The following RNFT2 variants were observed in gnomAD, a reference collection of about 807,000 sequenced individuals.
The protein encoded by RNFT2 is ring finger protein, transmembrane 2.
Under a neutral mutation model 53.0 loss-of-function variants are expected in RNFT2, and 36 were observed. The ratio of observed to expected loss-of-function variants is 0.68; its 90% CI spans 0.52 to 0.90. The LOEUF (loss-of-function observed/expected upper bound fraction) is 0.90. Ranked by LOEUF, RNFT2 falls within the 40% of genes least tolerant of loss-of-function variation. The pLI is 0.00. For synonymous variants in RNFT2, 260 were observed against 253.2 expected (o/e 1.03, Z -0.26); for missense variants, 514 against 585.6 (o/e 0.88, Z 1.26).
chr12:116,800,838 TAA>T (rs1205520986), intron 7 of RNFT2, among the ~76,000 whole-genome samples: 1 of 148,120 alleles, frequency 6.8e-6, no homozygotes, highest in Non-Finnish European at 1.5e-5. Flanking sequence ...TAAAATAAAA[TAA>T]AATAAAATAA....
intron 6 of RNFT2, among the ~76,000 whole-genome samples, chr12:116,767,930 G>A (rs145415821): frequency 0.02 from 2,986 of 152,178 alleles, 49 homozygotes; most frequent in Middle Eastern, 0.037. Context: ...TACATATACA[G>A]CTCATGTCAG....
chr12:116,765,641 A>G (rs1371047631), intron 5 of RNFT2, among the ~76,000 whole-genome samples: 1 of 152,130 alleles, frequency 6.6e-6, no homozygotes, highest in African/African-American at 2.4e-5. Context: ...TCCTTCAGAC[A>G]TTTCCTAGGA....
rs148668942 is a variant in RNFT2, at chr12:116,803,229, G to A, written c.882+23881G>A. Among the ~76,000 whole-genome samples the A allele has an allele frequency of 6.3e-3, 961 of 152,316 alleles. 16 individuals carry two copies. The highest frequency in any genetic ancestry group is 0.022 in the African/African-American group (901 of 41,552). On this transcript the variant is annotated intron_variant, in intron 7 of 10. Coordinates refer to ENST00000257575, the MANE Select transcript of RNFT2 (RefSeq NM_001382266.1). ...TGGTCTTGTTATGCCAGCAGTGGAG[G>A]TTATAAAGTCCTCTGGGTGCAACCG...
At chr12:116,785,993 A>C (rs775694641) in intron 7 of RNFT2, among the ~76,000 whole-genome samples, 2 of 151,996 alleles carry the variant, frequency 1.3e-5, no homozygotes, top group Admixed American at 1.3e-4. Context: ...CAGAGGTTGC[A>C]GTGAGCTGAG....
intron 7 of RNFT2, 125 bp downstream of exon 7, chr12:116,779,473 G>C: frequency 9.7e-7 from 1 of 1,033,456 alleles, no homozygotes; most frequent in Non-Finnish European, 1.4e-6. Flanking sequence ...AATAAACAGA[G>C]CCTGAGCTCA....
chr12:116,812,738 T>C (rs1875451224), intron 7 of RNFT2, among the ~76,000 whole-genome samples: 1 of 152,154 alleles, frequency 6.6e-6, no homozygotes, highest in Non-Finnish European at 1.5e-5. Flanking sequence ...TTTACCATGT[T>C]GGCCAGGCTG....
intron 7 of RNFT2, among the ~76,000 whole-genome samples, chr12:116,821,962 G>A (rs1211928706): frequency 6.6e-6 from 1 of 151,856 alleles, no homozygotes; most frequent in African/African-American, 2.4e-5. Context: ...AGCCTCCAGA[G>A]TAGCTGAGAT....
chr12:116,841,743 G>A lies in RNFT2; in HGVS notation c.1200+5461G>A, dbSNP rs1414947803. Among the ~76,000 whole-genome samples, 5 of 131,540 alleles carry A rather than the reference G, an allele frequency of 3.8e-5. No homozygotes were observed. The East Asian group carries it at 1.1e-3, about 28-fold the overall frequency. The allele number at this position is 131,540 out of a possible 152,430, so 86.3% of individuals were successfully genotyped here. On this transcript the variant is annotated intron_variant, in intron 10 of 10. Transcript: ENST00000257575. ...AGCCTGGGTGACAGAGCAAGATTCT[G>A]TCTCAAAAAATATATAAATATAAAT...
Position 116,766,830 on chromosome 12 carries a change from T to A in RNFT2, c.644T>A (p.Leu215Gln), listed in dbSNP as rs1195800512. The A allele has an allele frequency of 1.3e-6, 2 of 1,595,960 alleles. No individual in the cohort carries two copies. Among genetic ancestry groups the A allele is most frequent in the Non-Finnish European group, 1.7e-6 (2 of 1,170,738 alleles). ...QVSLKEKRSVLVILWILAFLA... is the reference protein window; with the variant it reads ...QVSLKEKRSVQVILWILAFLA... ...TGTCTTCAGGAGAAGAGGTCAGTGC[T>A]GGTCATCTTGTGGATCCTGGCCTTT... The change falls in exon 6 of 11, where the codon CTG becomes CAG. Residue 215 changes from leucine (L) to glutamine (Q), a missense_variant. Around this residue, in one of 3 missense-constraint regions of RNFT2, gnomAD observed 273 missense variants for 334.4 expected, o/e 0.82. Coordinates refer to ENST00000257575, the MANE Select transcript of RNFT2 (RefSeq NM_001382266.1).
rs577466190 is a variant in RNFT2 at position 116,765,181 on chromosome 12, A to G, written c.628-1633A>G. Reference sequence around the variant, plus strand: ...GTCCTTCAGTTTCTGTCTTCCCAGAACATTGCTAATTCCCTCTTCCTATTC... The same window carrying G: ...GTCCTTCAGTTTCTGTCTTCCCAGAGCATTGCTAATTCCCTCTTCCTATTC... On this transcript the variant is annotated intron_variant, in intron 5 of 10. Coordinates refer to ENST00000257575, the MANE Select transcript of RNFT2 (RefSeq NM_001382266.1). 1.3e-4 allele frequency among the ~76,000 whole-genome samples: 20 copies of G among 152,304 alleles called. 1 individual carries two copies. The South Asian group carries it at 4.1e-3, about 32-fold the overall frequency.
chr12:116,775,638 C>G (rs1412215720), intron 6 of RNFT2, among the ~76,000 whole-genome samples: 1 of 152,250 alleles, frequency 6.6e-6, no homozygotes, highest in Non-Finnish European at 1.5e-5. Flanking sequence ...CTTCCCTTAT[C>G]TGCCTGCAGG....
intron 7 of RNFT2, among the ~76,000 whole-genome samples, chr12:116,823,668 G>A (rs1371057170): frequency 1.3e-5 from 2 of 152,166 alleles, no homozygotes. Flanking sequence ...TGGGTAAACA[G>A]CAAGACTCTG....
At chr12:116,757,107 G>A (rs1285364267) in intron 5 of RNFT2, among the ~76,000 whole-genome samples, 1 of 152,028 alleles carries the variant, frequency 6.6e-6, no homozygotes, top group Non-Finnish European at 1.5e-5. Flanking sequence ...TCTAGTTTTT[G>A]TGCATAAAGG....
At chr12:116,760,032 T>C (rs1872637922) in intron 5 of RNFT2, among the ~76,000 whole-genome samples, 1 of 152,082 alleles carries the variant, frequency 6.6e-6, no homozygotes, top group South Asian at 2.1e-4. Context: ...GGTCTTGCTA[T>C]GGGTTAAGTA....
At chr12:116,811,274 G>C (rs1347569968) in intron 7 of RNFT2, among the ~76,000 whole-genome samples, 1 of 152,084 alleles carries the variant, frequency 6.6e-6, no homozygotes, top group Non-Finnish European at 1.5e-5. Context: ...ACCTCTGGAG[G>C]TAGGGTGGAG....
At chr12:116,833,980 G>A in intron 8 of RNFT2, 39 bp downstream of exon 8, 1 of 1,543,282 alleles carries the variant, frequency 6.5e-7, no homozygotes, top group East Asian at 2.4e-5. Flanking sequence ...GCCTAAGGAG[G>A]GCCCCATTCA....
At chr12:116,791,800 C>T (rs1250654700) in intron 7 of RNFT2, among the ~76,000 whole-genome samples, 1 of 152,178 alleles carries the variant, frequency 6.6e-6, no homozygotes, top group Non-Finnish European at 1.5e-5. Flanking sequence ...GCAGAGAATT[C>T]TGGATCATGC....
At chr12:116,782,096 G>A (rs1339880085) in intron 7 of RNFT2, 1 of 26,620 alleles carries the variant, frequency 3.8e-5, no homozygotes, top group Non-Finnish European at 9.3e-5. Context: ...AAAAAAAAAT[G>A]TGGACATCAT....
At chr12:116,812,184 C>T (rs1875413218) in intron 7 of RNFT2, among the ~76,000 whole-genome samples, 1 of 152,146 alleles carries the variant, frequency 6.6e-6, no homozygotes, top group South Asian at 2.1e-4. Flanking sequence ...CACAAAAGAA[C>T]AAGAACAAGA....
Sources: gnomAD v4.1 joint callset for allele counts (sites outside exome capture counted in the v4.1 genomes callset) on GRCh38, gnomAD v4.1.1 for gene constraint, gnomAD v4.1.1 regional missense constraint, MANE v1.5 for transcripts, NCBI Gene and HGNC (gene_info 2026-07-23, HGNC 2026-07-21) for gene names.